The following GPAM variants were observed in gnomAD, a reference collection of about 807,000 sequenced individuals.
GPAM encodes the protein glycerol-3-phosphate acyltransferase, mitochondrial, also known as glycerol-3-phosphate acyltransferase 1, mitochondrial.
GPAM carries 56 observed loss-of-function variants against 105.0 expected under a neutral mutation model. The observed-to-expected ratio is 0.53, with a 90% CI of 0.43 to 0.67. GPAM has a LOEUF of 0.67. GPAM is among the 30% of genes least tolerant of loss of function. The pLI is 0.00. For synonymous variants in GPAM, 368 were observed against 354.4 expected (o/e 1.04, Z -0.43); for missense variants, 855 against 989.8 (o/e 0.86, Z 1.83).
At chr10:112,169,007 C>T in intron 9 of GPAM, 55 bp from the exon 10 acceptor site, 2 of 1,138,390 alleles carry the variant, frequency 1.8e-6, no homozygotes, top group Non-Finnish European at 1.3e-6. Flanking sequence ...AAAGAATACT[C>T]ACATTCCAAG....
intron 1 of GPAM, among the ~76,000 whole-genome samples, chr10:112,206,597 C>T (rs1323859308): frequency 1.6e-5 from 2 of 125,384 alleles, no homozygotes; most frequent in East Asian, 4.7e-4. Flanking sequence ...CATATTCTCA[C>T]TCATAGGTGG....
At chr10:112,176,632 T>C (rs971501790) in intron 5 of GPAM, among the ~76,000 whole-genome samples, 2 of 152,204 alleles carry the variant, frequency 1.3e-5, no homozygotes, top group South Asian at 2.1e-4. Flanking sequence ...TGGCCCAATA[T>C]ATTAAATGTT....
rs200944469 is a variant in GPAM at position 112,163,767 on chromosome 10, T to C, written c.1357A>G (p.Arg453Gly). 2.3e-5 allele frequency: 37 copies of C among 1,608,152 alleles called. No individual in the cohort carries two copies. The highest frequency in any genetic ancestry group is 3.0e-5 in the Non-Finnish European group (35 of 1,174,530). ...CGTAGGGATTCATCTGTTGCATTTC[T>C]GGACTCATTAATGGACGTGTCTCTA... ...EGRDTSINES[R>G]NATDESLRRR... The change falls in exon 14 of 22, where the codon AGA (arginine) becomes GGA (glycine). Residue 453 changes from arginine to glycine, a missense_variant. By Grantham distance (125) the Arg-to-Gly change is moderately radical. Coordinates refer to ENST00000348367, the MANE Select transcript of GPAM (RefSeq NM_001244949.2).
upstream of GPAM, among the ~76,000 whole-genome samples, chr10:112,215,705 A>G (rs908676923): frequency 1.4e-5 from 2 of 146,622 alleles, no homozygotes; most frequent in African/African-American, 2.6e-5. Context: ...GCTGTTTCCA[A>G]TTTGCATTTC....
chr10:112,183,193 G>A (rs1184240199), intron 1 of GPAM, among the ~76,000 whole-genome samples: 2 of 152,186 alleles, frequency 1.3e-5, no homozygotes, highest in African/African-American at 4.8e-5. Flanking sequence ...TTCCCATCTG[G>A]AAAATGGGCA....
intron 9 of GPAM, 101 bp downstream of exon 9, chr10:112,172,081 T>C: frequency 1.1e-6 from 1 of 899,380 alleles, no homozygotes; most frequent in Non-Finnish European, 1.8e-6. Flanking sequence ...AAAAGGCTAA[T>C]GTCATCTTTA....
chr10:112,164,054 G>A (rs931499650), intron 13 of GPAM, among the ~76,000 whole-genome samples: 19 of 152,042 alleles, frequency 1.2e-4, no homozygotes, highest in African/African-American at 4.6e-4. Flanking sequence ...AAAACCACTG[G>A]CAGAAAGAAT....
intron 1 of GPAM, among the ~76,000 whole-genome samples, chr10:112,207,127 T>C (rs923194968): frequency 2.4e-4 from 36 of 152,340 alleles, no homozygotes; most frequent in African/African-American, 8.2e-4. Context: ...AGGGGATATT[T>C]GTAAATGTCT....
At chr10:112,186,960 G>C (rs1847603473), upstream of GPAM, among the ~76,000 whole-genome samples, 1 of 152,198 alleles carries the variant, frequency 6.6e-6, no homozygotes, top group Non-Finnish European at 1.5e-5. Context: ...CAAAGTCCAG[G>C]AAGGGAGAAG....
chr10:112,188,554 G>A (rs1433076999), upstream of GPAM, among the ~76,000 whole-genome samples: 1 of 152,054 alleles, frequency 6.6e-6, no homozygotes, highest in Non-Finnish European at 1.5e-5. Flanking sequence ...TTTTGTTCAG[G>A]ACAATCTCCT....
intron 16 of GPAM, 149 bp downstream of exon 16, chr10:112,160,452 CAGG>C: frequency 1.7e-6 from 2 of 1,185,828 alleles, no homozygotes; most frequent in South Asian, 1.5e-5. Context: ...AGTGATATAA[CAGG>C]AGATTACATT....
At chr10:112,219,536 G>A (rs1018022958), upstream of GPAM, among the ~76,000 whole-genome samples, 2 of 152,090 alleles carry the variant, frequency 1.3e-5, no homozygotes. Context: ...TATCAGGCAC[G>A]TCACTGTCAG....
At position 112,151,826 on chromosome 10, in the gene GPAM, A is replaced by G. The variant is rs1244084727; in HGVS notation, c.*1724T>C. The G allele has an allele frequency of 1.7e-5, 17 of 985,112 alleles. No individual in the cohort carries two copies. Among genetic ancestry groups the G allele is most frequent in the Non-Finnish European group, 2.0e-5 (17 of 829,736 alleles). The allele number at this position is 985,112 out of a possible 1,614,324, so 61.0% of individuals were successfully genotyped here. The stretch of plus-strand genomic sequence containing the variant: ...TGGGTATCCTCCAAATGTAGCCAAG[A>G]AAAGTGTTCTTCTACCCTAGTCAGT... On this transcript the variant is annotated 3_prime_UTR_variant, in exon 22 of 22. Coordinates refer to ENST00000348367, the MANE Select transcript of GPAM (RefSeq NM_001244949.2).
At position 112,151,987 on chromosome 10, in the gene GPAM, A is replaced by G. The variant is rs73365159; in HGVS notation, c.*1563T>C. ...AGAACTTGAGAGGGATCACAACAGC[A>G]TAGCATTATTGCTATGAGTTTCAAA... On this transcript the variant is annotated 3_prime_UTR_variant, in exon 22 of 22. Coordinates refer to ENST00000348367, the MANE Select transcript of GPAM (RefSeq NM_001244949.2). The G allele has an allele frequency of 4.1e-3, 4,030 of 981,270 alleles. 133 individuals are homozygous for G. The African/African-American group carries it at 0.065, about 16-fold the overall frequency. The allele number at this position is 981,270 out of a possible 1,614,324, so 60.8% of individuals were successfully genotyped here.
intron 1 of GPAM, among the ~76,000 whole-genome samples, chr10:112,202,242 A>G (rs1216891033): frequency 6.6e-6 from 1 of 152,256 alleles, no homozygotes; most frequent in Non-Finnish European, 1.5e-5. Context: ...ACAGTATATA[A>G]GAAAATCGAT....
At chr10:112,226,917 C>G in the GPAM span, among the ~76,000 whole-genome samples, 2 of 152,012 alleles carry the variant, frequency 1.3e-5, no homozygotes, top group African/African-American at 2.4e-5. Flanking sequence ...GCAGGGCAGA[C>G]TTCCACCCTT....
In GPAM at chr10:112,150,889, C is replaced by A. The variant is rs1015515850; in HGVS notation, c.*2661G>T. On this transcript the variant is annotated 3_prime_UTR_variant, in exon 22 of 22. Transcript: ENST00000348367. ...AATTTGGGCTTACATTCATTGTAAT[C>A]CCAGAAATATTTTCTCCATTTACCC... 15 of 985,296 alleles carry A rather than the reference C, an allele frequency of 1.5e-5. No homozygotes were observed. The highest frequency in any genetic ancestry group is 1.8e-5 in the Non-Finnish European group (15 of 829,812). The allele number at this position is 985,296 out of a possible 1,614,324, so 61.0% of individuals were successfully genotyped here. A position where few individuals can be genotyped will look rare whatever the true frequency, so the allele number is the denominator to read the frequency against.
At chr10:112,160,132 G>C (rs943372053) in intron 16 of GPAM, 79 bp from the exon 17 acceptor site, 17 of 1,344,262 alleles carry the variant, frequency 1.3e-5, no homozygotes, top group Non-Finnish European at 1.7e-5. Context: ...ATAACCTTAA[G>C]AGATTATTAA....
rs773461875 is a variant in GPAM at position 112,181,674 on chromosome 10, T to C, written c.102+9A>G. 1 of 1,509,536 alleles carries C rather than the reference T, an allele frequency of 6.6e-7. No individual in the cohort carries two copies. The highest frequency in any genetic ancestry group is 9.2e-7 in the Non-Finnish European group (1 of 1,084,524). 93.5% of individuals were successfully genotyped at this position (1,509,536 alleles called of 1,614,324 possible). On this transcript the variant is annotated intron_variant, in intron 3 of 21. Coordinates refer to ENST00000348367, the MANE Select transcript of GPAM (RefSeq NM_001244949.2). ...GGCTGAGTGCTTTTAACTCTTATCC[T>C]AAACTTACCCATTCCTCACTTGTGT...
Sources: gnomAD v4.1 joint callset for allele counts (sites outside exome capture counted in the v4.1 genomes callset) on GRCh38, gnomAD v4.1.1 for gene constraint, MANE v1.5 for transcripts, NCBI Gene and HGNC (gene_info 2026-07-23, HGNC 2026-07-21) for gene names.